Variants in MAP3K13 observed in about 807,000 individuals in gnomAD.
The protein encoded by MAP3K13 is leucine zipper-bearing kinase.
MAP3K13 carries 52 observed loss-of-function variants against 104.0 expected under a neutral mutation model. The ratio of observed to expected loss-of-function variants is 0.50; its 90% CI spans 0.40 to 0.63. MAP3K13 has a LOEUF of 0.63. Among genes scored for constraint, MAP3K13 ranks in the 20% least tolerant of loss-of-function variants. The probability of loss-of-function intolerance (pLI) is 0.00; values close to 1 mark genes in which losing one functional copy is unlikely to be tolerated. For synonymous variants in MAP3K13, 394 were observed against 442.2 expected (o/e 0.89, Z 1.37); for missense variants, 914 against 1,218.5 (o/e 0.75, Z 3.72).
chr3:185,454,643 T>TGTATG, intron 7 of MAP3K13, among the ~76,000 whole-genome samples: 1 of 108,780 alleles, frequency 9.2e-6, no homozygotes, highest in Non-Finnish European at 1.7e-5. Context: ...ATATGAGATA[T>TGTATG]ATATATGATA....
chr3:185,327,754 G>A (rs1218862763), intron 2 of MAP3K13, among the ~76,000 whole-genome samples: 1 of 151,972 alleles, frequency 6.6e-6, no homozygotes, highest in Non-Finnish European at 1.5e-5. Context: ...TTTACTAAAA[G>A]TACAAAAATT....
At position 185,331,189 on chromosome 3, in the gene MAP3K13, G is replaced by A. The variant is rs544027892; in HGVS notation, c.-86+45546G>A. On this transcript the variant is annotated intron_variant, in intron 2 of 14. Coordinates refer to the MAP3K13 transcript ENST00000424227. ...GCTCACTGCAACCTCTGCCTCCCGG[G>A]TTCAAGCGATTCTCCTGCCTCAGCC... Among the ~76,000 whole-genome samples, 4 of 142,528 alleles carry A rather than the reference G, an allele frequency of 2.8e-5. No individual in the cohort carries two copies. In the South Asian group the frequency reaches 8.8e-4, roughly 31 times the overall value. The allele number at this position is 142,528 out of a possible 152,430, so 93.5% of individuals were successfully genotyped here. A position where few individuals can be genotyped will look rare whatever the true frequency, so the allele number is the denominator to read the frequency against.
chr3:185,482,017 G>C lies in MAP3K13; in HGVS notation c.2800-338G>C, dbSNP rs1284118859. ...GAGAATCGCTTGAATCCGGGAGGCG[G>C]AGGTTGCAGCGAGCCAAGATCGTGC... On this transcript the variant is annotated intron_variant, in intron 13 of 13. Coordinates refer to ENST00000265026, the MANE Select transcript of MAP3K13 (RefSeq NM_004721.5). This position sits in a 1 kb window ranked among gnomAD's most constrained non-coding sequence, Gnocchi z 4.5. Among the ~76,000 whole-genome samples the C allele has an allele frequency of 2.0e-5, 3 of 152,244 alleles. No individual in the cohort carries two copies. Among genetic ancestry groups the C allele is most frequent in the Non-Finnish European group, 2.9e-5 (2 of 68,048 alleles).
At chr3:185,417,847 C>T in intron 1 of MAP3K13, 11 of 1,606,940 alleles carry the variant, frequency 6.8e-6, no homozygotes, top group Non-Finnish European at 9.4e-6. Flanking sequence ...TAGGACTCTG[C>T]GATGAATCTT....
intron 2 of MAP3K13, among the ~76,000 whole-genome samples, chr3:185,291,423 C>A (rs1720733537): frequency 6.6e-6 from 1 of 152,006 alleles, no homozygotes; most frequent in Non-Finnish European, 1.5e-5. Context: ...ACATATTCAG[C>A]CATTTTGTCT....
chr3:185,308,267 A>T (rs1161725368), intron 2 of MAP3K13, among the ~76,000 whole-genome samples: 1 of 152,008 alleles, frequency 6.6e-6, no homozygotes, highest in East Asian at 1.9e-4. Flanking sequence ...TCCCAATTAC[A>T]GAAGTTTGCT....
chr3:185,405,447 C>T (rs1469109080), intron 1 of MAP3K13, among the ~76,000 whole-genome samples: 1 of 152,228 alleles, frequency 6.6e-6, no homozygotes, highest in African/African-American at 2.4e-5. Flanking sequence ...ATAGTTACAG[C>T]AGTGCTGATC....
Position 185,404,625 on chromosome 3 carries a change from G to C in MAP3K13, c.-85-23872G>C, listed in dbSNP as rs148381225. Among the ~76,000 whole-genome samples, 699 of 152,208 alleles carry C rather than the reference G, an allele frequency of 4.6e-3. 8 individuals carry two copies. The highest frequency in any genetic ancestry group is 0.015 in the African/African-American group (642 of 41,526). On this transcript the variant is annotated intron_variant, in intron 1 of 13. Transcript: ENST00000265026. ...AGAATCTTGCTCTGTCACCTAGGCT[G>C]GAGTGTAGTAGCTTAATATTGGCTC...
At chr3:185,456,737 G>A (rs1716776332) in intron 7 of MAP3K13, among the ~76,000 whole-genome samples, 1 of 151,860 alleles carries the variant, frequency 6.6e-6, no homozygotes, top group Non-Finnish European at 1.5e-5. Context: ...GAGTAGCTGG[G>A]ACTACAGGCG....
chr3:185,406,904 G>GA (rs1275477137), intron 1 of MAP3K13, among the ~76,000 whole-genome samples: 5 of 152,110 alleles, frequency 3.3e-5, no homozygotes, highest in African/African-American at 7.2e-5. Flanking sequence ...GGGATCTGTG[G>GA]AAAAAAGCCT....
At chr3:185,372,722 GCTAA>G (rs1724218207) in intron 1 of MAP3K13, among the ~76,000 whole-genome samples, 1 of 151,998 alleles carries the variant, frequency 6.6e-6, no homozygotes, top group Non-Finnish European at 1.5e-5. Context: ...TCTTTTTTCT[GCTAA>G]CTATTTAATA....
At chr3:185,455,938 G>GAT (rs547376470) in intron 7 of MAP3K13, among the ~76,000 whole-genome samples, 24 of 140,680 alleles carry the variant, frequency 1.7e-4, no homozygotes, top group African/African-American at 5.1e-4. Context: ...GTATATATGA[G>GAT]ATATATATAT....
intron 2 of MAP3K13, among the ~76,000 whole-genome samples, chr3:185,319,600 A>G (rs748643675): frequency 6.6e-6 from 1 of 152,214 alleles, no homozygotes; most frequent in Non-Finnish European, 1.5e-5. Context: ...ATTGCTGATT[A>G]TAGGTGAATG....
At chr3:185,301,440 A>G (rs1291802596) in intron 2 of MAP3K13, among the ~76,000 whole-genome samples, 1 of 151,936 alleles carries the variant, frequency 6.6e-6, no homozygotes, top group Non-Finnish European at 1.5e-5. Context: ...CCTTTGCTGC[A>G]TGTAAGTTTG....
chr3:185,409,226 G>T (rs572871824), intron 1 of MAP3K13, among the ~76,000 whole-genome samples: 2 of 152,192 alleles, frequency 1.3e-5, no homozygotes, highest in Non-Finnish European at 2.9e-5. Context: ...AAATTAGCCA[G>T]GCGTGGTGGT....
At chr3:185,395,749 G>T (rs530984178) in intron 1 of MAP3K13, among the ~76,000 whole-genome samples, 161 of 151,204 alleles carry the variant, frequency 1.1e-3, no homozygotes, top group African/African-American at 3.9e-3. Flanking sequence ...CAGTGGTGCA[G>T]TCTCGGCTTT....
intron 2 of MAP3K13, among the ~76,000 whole-genome samples, chr3:185,429,728 G>A (rs1323843775): frequency 6.6e-6 from 1 of 152,146 alleles, no homozygotes; most frequent in Non-Finnish European, 1.5e-5. Context: ...CCAGACAGAA[G>A]CCACATGGTA....
chr3:185,450,099 GT>G lies in MAP3K13; in HGVS notation c.1169+42del. On this transcript the variant is annotated intron_variant, in intron 6 of 13. Transcript: ENST00000265026. This position sits in a 1 kb window ranked among gnomAD's most constrained non-coding sequence, Gnocchi z 4.2. The stretch of plus-strand genomic sequence containing the variant: ...CTAAAACAATAGGGAGGTCTCTAAT[GT>G]GTATTTGGAGTAAATATCCTGGTGG... 6.6e-7 allele frequency: 1 copy of G among 1,525,638 alleles called. No homozygotes were observed. The highest frequency in any genetic ancestry group is 1.3e-5 in the South Asian group (1 of 78,214). The allele number at this position is 1,525,638 out of a possible 1,614,324, so 94.5% of individuals were successfully genotyped here.
At chr3:185,456,899 C>G (rs1034907267) in intron 7 of MAP3K13, among the ~76,000 whole-genome samples, 21 of 152,146 alleles carry the variant, frequency 1.4e-4, no homozygotes, top group African/African-American at 4.8e-4. Flanking sequence ...CCGTGCACAG[C>G]CAACTTTGCT....
Sources: gnomAD v4.1 joint callset for allele counts (sites outside exome capture counted in the v4.1 genomes callset) on GRCh38, gnomAD v4.1.1 for gene constraint, Gnocchi (gnomAD v3.1) non-coding constraint, MANE v1.5 for transcripts, NCBI Gene and HGNC (gene_info 2026-07-23, HGNC 2026-07-21) for gene names.